VANGL2: variants seen among roughly 807,000 people sequenced by gnomAD.
The protein encoded by VANGL2 is VANGL planar cell polarity protein 2, also known as vang-like protein 2.
In VANGL2, 14 loss-of-function variants were observed where a neutral mutation model predicts 50.2. That is an observed-to-expected ratio of 0.28 (90% CI 0.18 to 0.44). The LOEUF is 0.44. Ranked by LOEUF, VANGL2 falls within the 20% of genes least tolerant of loss-of-function variation. The pLI, the probability that VANGL2 is intolerant of heterozygous loss-of-function variation, is 1.00. For missense variants in VANGL2, 533 were observed against 701.5 expected (o/e 0.76, Z 2.71); for synonymous variants, 295 against 297.2 (o/e 0.99, Z 0.08).
chr1:160,424,390 TTC>T, intron 7 of VANGL2, 107 bp downstream of exon 7: 1 of 1,080,850 alleles, frequency 9.3e-7, no homozygotes, highest in Admixed American at 2.0e-5. Context: ...TCCACCTCAT[TTC>T]TCTCTCCTCA....
intron 1 of VANGL2, among the ~76,000 whole-genome samples, chr1:160,404,251 A>T (rs1650579584): frequency 6.6e-6 from 1 of 152,044 alleles, no homozygotes; most frequent in Non-Finnish European, 1.5e-5. Flanking sequence ...CCCAGGGGAG[A>T]CATGTGAAAA....
intron 1 of VANGL2, among the ~76,000 whole-genome samples, chr1:160,404,975 C>T (rs137980981): frequency 6.6e-6 from 1 of 152,130 alleles, no homozygotes. Context: ...CCCTTTCCTG[C>T]TTGTGCTATG....
At chr1:160,418,950 C>T (rs1035248551) in intron 3 of VANGL2, 52 bp from the exon 4 acceptor site, 3 of 1,560,202 alleles carry the variant, frequency 1.9e-6, no homozygotes, top group African/African-American at 2.7e-5. Flanking sequence ...CCTCCTCTTC[C>T]TCTTCTTATC....
intron 7 of VANGL2, 126 bp from the exon 8 acceptor site, chr1:160,424,991 GT>G (rs756068275): frequency 1.4e-4 from 183 of 1,323,196 alleles, no homozygotes; most frequent in Non-Finnish European, 1.9e-4. Context: ...ACATTCTGAG[GT>G]TCTAGTTCAT....
At chr1:160,412,059 C>T (rs1015209815) in intron 1 of VANGL2, among the ~76,000 whole-genome samples, 2 of 152,190 alleles carry the variant, frequency 1.3e-5, no homozygotes, top group Non-Finnish European at 2.9e-5. Context: ...CTTTCACCCT[C>T]GTGATCCTTA....
At position 160,420,406 on chromosome 1, in the gene VANGL2, C is replaced by A. The variant is rs757715341; in HGVS notation, c.801-5C>A. 22 of 1,613,984 alleles carry A rather than the reference C, an allele frequency of 1.4e-5. No individual in the cohort carries two copies. Among genetic ancestry groups the A allele is most frequent in the South Asian group, 3.3e-5 (3 of 91,070 alleles). On this transcript the variant is annotated splice_region_variant and splice_polypyrimidine_tract_variant and intron_variant, in intron 4 of 7. Coordinates refer to ENST00000368061, the MANE Select transcript of VANGL2 (RefSeq NM_020335.3). ...TCCCACCCCCTCCTGCCGTCTCCCC[C>A]ACAGCATCCAGCGCGTGGCAGTGTG...
In VANGL2 at chr1:160,400,649, C is replaced by T. The variant is rs965515304; in HGVS notation, c.-411C>T. The stretch of plus-strand genomic sequence containing the variant: ...ATGGGAGCCTGAGCGCCCCCTATTC[C>T]CCCCTGGCCCCCAGCCCCCGGGGCC... On this transcript the variant is annotated 5_prime_UTR_variant, in exon 1 of 8. Coordinates refer to ENST00000368061, the MANE Select transcript of VANGL2 (RefSeq NM_020335.3). The T allele has an allele frequency of 9.8e-5, 15 of 152,338 alleles. No individual in the cohort carries two copies. Among genetic ancestry groups the T allele is most frequent in the African/African-American group, 3.4e-4 (14 of 41,548 alleles). The allele number at this position is 152,338 out of a possible 1,614,324, so 9.4% of individuals were successfully genotyped here.
At chr1:160,421,249 C>T in intron 6 of VANGL2, 62 bp downstream of exon 6, 2 of 1,596,598 alleles carry the variant, frequency 1.3e-6, no homozygotes, top group Non-Finnish European at 1.7e-6. Context: ...AGAGGAAGAC[C>T]AAGGAACTTC....
chr1:160,415,079 C>T (rs1651008941), intron 1 of VANGL2, among the ~76,000 whole-genome samples: 1 of 152,132 alleles, frequency 6.6e-6, no homozygotes, highest in African/African-American at 2.4e-5. Flanking sequence ...AGGAAGCTGC[C>T]AGCCTGATCT....
intron 3 of VANGL2, among the ~76,000 whole-genome samples, chr1:160,417,514 T>C (rs1651103364): frequency 6.6e-6 from 1 of 152,196 alleles, no homozygotes; most frequent in African/African-American, 2.4e-5. Flanking sequence ...ACTGTAGACA[T>C]TTAGATGGCC....
rs548886097 is a variant in VANGL2 at position 160,425,576 on chromosome 1, C to T, written c.*198C>T. On this transcript the variant is annotated 3_prime_UTR_variant, in exon 8 of 8. Coordinates refer to ENST00000368061, the MANE Select transcript of VANGL2 (RefSeq NM_020335.3). ...ATGTGAACCTGGAGAGACCATCCTG[C>T]TGTCAACAGTACCTGGGAAGGACTC... The T allele has an allele frequency of 6.6e-6, 4 of 609,948 alleles. No homozygotes were observed. In the African/African-American group the frequency reaches 7.4e-5, roughly 11 times the overall value. 37.8% of individuals were successfully genotyped at this position (609,948 alleles called of 1,614,324 possible). A position where few individuals can be genotyped will look rare whatever the true frequency, so the allele number is the denominator to read the frequency against.
chr1:160,408,683 C>T lies in VANGL2; in HGVS notation c.-190-6965C>T, dbSNP rs74123197. 6.7e-3 allele frequency among the ~76,000 whole-genome samples: 1,017 copies of T among 151,882 alleles called. 15 individuals are homozygous for T. Among genetic ancestry groups the T allele is most frequent in the African/African-American group, 0.022 (900 of 41,416 alleles). On this transcript the variant is annotated intron_variant, in intron 1 of 7. Coordinates refer to ENST00000368061, the MANE Select transcript of VANGL2 (RefSeq NM_020335.3). ...CTGGGAGAATGCCTGGTTAACAGGG[C>T]GGGGGTGGGGCACCTGGTGCCAGCT...
At chr1:160,420,355 C>T (rs1259288866) in intron 4 of VANGL2, 56 bp from the exon 5 acceptor site, 1 of 1,611,142 alleles carries the variant, frequency 6.2e-7, no homozygotes, top group Non-Finnish European at 8.5e-7. Flanking sequence ...TGTCCCTTTC[C>T]CCTGTGCCCC....
At chr1:160,420,377 C>G in intron 4 of VANGL2, 34 bp from the exon 5 acceptor site, 1 of 1,613,752 alleles carries the variant, frequency 6.2e-7, no homozygotes, top group Non-Finnish European at 8.5e-7. Context: ...TGGTCTGTCC[C>G]TTCTCCCACC....
chr1:160,414,975 A>C (rs1371321864), intron 1 of VANGL2, among the ~76,000 whole-genome samples: 1 of 152,186 alleles, frequency 6.6e-6, no homozygotes, highest in Non-Finnish European at 1.5e-5. Context: ...TCAGGCAAGT[A>C]GAAACTTGTC....
rs747425715 is a variant in VANGL2 at position 160,424,239 on chromosome 1, C to T, written c.1261C>T (p.Leu421=). Residue 421 remains leucine, a synonymous_variant, in exon 7 of 8, where the codon CTG becomes TTG. Transcript: ENST00000368061. ...QQPYHTMESI[L]QHLEFCITHD... is the part of the protein sequence containing the mutation. Reference sequence around the variant, plus strand: ...GCCCTACCACACCATGGAGAGCATCCTGCAGCACCTTGAATTCTGCATCAC... The same window carrying T: ...GCCCTACCACACCATGGAGAGCATCTTGCAGCACCTTGAATTCTGCATCAC... 2 of 1,614,110 alleles carry T rather than the reference C, an allele frequency of 1.2e-6. No individual in the cohort carries two copies. The highest frequency in any genetic ancestry group is 2.2e-5 in the East Asian group (1 of 44,892).
chr1:160,414,878 C>T (rs1380897770), intron 1 of VANGL2, among the ~76,000 whole-genome samples: 4 of 152,054 alleles, frequency 2.6e-5, no homozygotes, highest in Admixed American at 2.0e-4. Context: ...AGAGGTCATT[C>T]TCCTCTGCAG....
At chr1:160,418,912 C>G (rs1319113149) in intron 3 of VANGL2, 90 bp from the exon 4 acceptor site, 10 of 1,491,982 alleles carry the variant, frequency 6.7e-6, no homozygotes, top group Non-Finnish European at 9.0e-6. Context: ...TTCTCTGTCT[C>G]CTGTCCCCTC....
chr1:160,425,727 G>T lies in VANGL2; in HGVS notation c.*349G>T, dbSNP rs982566495. On this transcript the variant is annotated 3_prime_UTR_variant, in exon 8 of 8. Coordinates refer to ENST00000368061, the MANE Select transcript of VANGL2 (RefSeq NM_020335.3). ...GAAAGGGCACAGGGCCCTGCTGATT[G>T]TACTTTCCCCTCCTGAGCCCCGACT... The T allele has an allele frequency of 4.2e-5, 9 of 215,796 alleles. No individual in the cohort carries two copies. The highest frequency in any genetic ancestry group is 7.4e-5 in the Non-Finnish European group (8 of 107,510). 13.4% of individuals were successfully genotyped at this position (215,796 alleles called of 1,614,324 possible).
Sources: gnomAD v4.1 joint callset for allele counts (sites outside exome capture counted in the v4.1 genomes callset) on GRCh38, gnomAD v4.1.1 for gene constraint, MANE v1.5 for transcripts, NCBI Gene and HGNC (gene_info 2026-07-23, HGNC 2026-07-21) for gene names.